The following ZNF622 variants were observed in gnomAD, a reference collection of about 807,000 sequenced individuals.
ZNF622 encodes zinc finger protein 622, also known as cytoplasmic 60S subunit biogenesis factor ZNF622.
ZNF622 carries 34 observed loss-of-function variants against 49.7 expected under a neutral mutation model. The ratio of observed to expected loss-of-function variants is 0.68; its 90% CI spans 0.52 to 0.91. ZNF622 has a LOEUF of 0.91. Among genes scored for constraint, ZNF622 ranks in the 40% least tolerant of loss-of-function variants. The pLI is 0.00. For missense variants in ZNF622, 569 were observed against 616.4 expected, an observed-to-expected ratio of 0.92 and a Z score of 0.81; for synonymous variants, 209 against 228.7, an observed-to-expected ratio of 0.91 and a Z score of 0.78.
At chr5:16,462,313 AGTTGTTC>A (rs1738131974) in intron 3 of ZNF622, among the ~76,000 whole-genome samples, 1 of 152,194 alleles carries the variant, frequency 6.6e-6, no homozygotes, top group Non-Finnish European at 1.5e-5. Context: ...TTTGACAACT[AGTTGTTC>A]ACAAGTACTT....
intron 4 of ZNF622, among the ~76,000 whole-genome samples, chr5:16,455,925 G>C (rs138289642): frequency 6.6e-6 from 1 of 152,210 alleles, no homozygotes; most frequent in African/African-American, 2.4e-5. Flanking sequence ...CGTATGATGG[G>C]CTAAGGACAG....
At chr5:16,453,562 TA>T (rs1737969876) in intron 4 of ZNF622, among the ~76,000 whole-genome samples, 18 of 104,044 alleles carry the variant, frequency 1.7e-4, no homozygotes, top group African/African-American at 8.5e-4. Flanking sequence ...ATAAAAATTA[TA>T]TATATATATA....
chr5:16,456,022 T>G (rs10520840), intron 4 of ZNF622, among the ~76,000 whole-genome samples: 2 of 152,170 alleles, frequency 1.3e-5, no homozygotes, highest in African/African-American at 4.8e-5. Context: ...TATGTCTAAG[T>G]CATGGTGAAG....
intron 1 of ZNF622, among the ~76,000 whole-genome samples, chr5:16,464,116 T>A (rs1176042012): frequency 6.6e-6 from 1 of 152,202 alleles, no homozygotes; most frequent in Non-Finnish European, 1.5e-5. Context: ...GGGGTGTGTG[T>A]ATGTGCTGGT....
chr5:16,459,676 T>C (rs1465398213), intron 3 of ZNF622, among the ~76,000 whole-genome samples: 1 of 152,152 alleles, frequency 6.6e-6, no homozygotes, highest in African/African-American at 2.4e-5. Flanking sequence ...TGTGGAGCAC[T>C]GAACAGAACA....
At position 16,463,480 on chromosome 5, in the gene ZNF622, A is replaced by C; in HGVS notation, c.886+2T>G. ...CATTAAAAGGAAAACTATTGTACTT[A>C]CCCAAGTATTTAATCAGTCCCTTAA... is the stretch of plus-strand genomic sequence containing the variant. On this transcript the variant is annotated splice_donor_variant, in intron 2 of 5. Coordinates refer to ENST00000308683, the MANE Select transcript of ZNF622 (RefSeq NM_033414.3). LOFTEE classifies it high-confidence loss of function. This position sits in a 1 kb window ranked among gnomAD's most constrained non-coding sequence, Gnocchi z 4.2. 1 of 1,609,964 alleles carries C rather than the reference A, an allele frequency of 6.2e-7. No homozygotes were observed.
At chr5:16,458,731 A>C in intron 3 of ZNF622, 102 bp from the exon 4 acceptor site, 3 of 753,524 alleles carry the variant, frequency 4.0e-6, no homozygotes, top group Non-Finnish European at 6.3e-6. Context: ...AGCTACCTAA[A>C]AGGGAGAGGG....
chr5:16,459,528 G>A (rs1422092355), intron 3 of ZNF622, among the ~76,000 whole-genome samples: 1 of 152,138 alleles, frequency 6.6e-6, no homozygotes, highest in Non-Finnish European at 1.5e-5. Flanking sequence ...TATATCCTCT[G>A]GCCCAACTCC....
chr5:16,452,888 G>T (rs1322225002), intron 5 of ZNF622, 125 bp downstream of exon 5: 10 of 1,055,188 alleles, frequency 9.5e-6, no homozygotes, highest in Non-Finnish European at 1.1e-5. Flanking sequence ...AGTCCCTGGA[G>T]CCAAGACGTT....
chr5:16,453,183 A>C, intron 4 of ZNF622, 27 bp from the exon 5 acceptor site: 1 of 1,446,782 alleles, frequency 6.9e-7, no homozygotes, highest in Non-Finnish European at 9.2e-7. Context: ...CAATACTGAA[A>C]CACTGAGTTG....
At chr5:16,454,297 C>G (rs1475613867) in intron 4 of ZNF622, among the ~76,000 whole-genome samples, 1 of 151,950 alleles carries the variant, frequency 6.6e-6, no homozygotes, top group Non-Finnish European at 1.5e-5. Flanking sequence ...ACCATCCTGG[C>G]TAACACGGTG....
chr5:16,464,910 A>C, intron 1 of ZNF622, 131 bp downstream of exon 1: 1 of 1,346,776 alleles, frequency 7.4e-7, no homozygotes, highest in Non-Finnish European at 1.0e-6. Flanking sequence ...AAAGCGTCTA[A>C]ACCACCTTCC....
intron 1 of ZNF622, among the ~76,000 whole-genome samples, chr5:16,464,234 G>A (rs1738172644): frequency 6.6e-6 from 1 of 152,114 alleles, no homozygotes; most frequent in South Asian, 2.1e-4. Context: ...GGCCTTTAGT[G>A]GGTGATTAGG....
intron 5 of ZNF622, among the ~76,000 whole-genome samples, chr5:16,452,694 T>C (rs1737953822): frequency 6.6e-6 from 1 of 152,232 alleles, no homozygotes; most frequent in African/African-American, 2.4e-5. Context: ...ACTAGGATAC[T>C]ATCTAATTCC....
chr5:16,457,031 C>T (rs1485692405), intron 4 of ZNF622, among the ~76,000 whole-genome samples: 3 of 151,966 alleles, frequency 2.0e-5, no homozygotes, highest in African/African-American at 7.3e-5. Context: ...TTTTTAGATA[C>T]CTTAAAAAAC....
chr5:16,465,708 G>A lies in ZNF622; in HGVS notation c.-43C>T. 6.6e-7 allele frequency: 1 copy of A among 1,525,880 alleles called. No individual in the cohort carries two copies. Among genetic ancestry groups the A allele is most frequent in the Non-Finnish European group, 8.8e-7 (1 of 1,139,198 alleles). 94.5% of individuals were successfully genotyped at this position (1,525,880 alleles called of 1,614,324 possible). A position where few individuals can be genotyped will look rare whatever the true frequency, so the allele number is the denominator to read the frequency against. ...GAACCGACCAAGCCAAACACCTGGT[G>A]ATCAGCGCCGTGGCCCCACAAGACC... is the stretch of plus-strand genomic sequence containing the variant. On this transcript the variant is annotated 5_prime_UTR_variant, in exon 1 of 6. Coordinates refer to ENST00000308683, the MANE Select transcript of ZNF622 (RefSeq NM_033414.3). The surrounding 1 kb of genome is among the most constrained non-coding windows in gnomAD (Gnocchi z 6.2).
chr5:16,456,121 A>C (rs1024381883), intron 4 of ZNF622, among the ~76,000 whole-genome samples: 4 of 152,092 alleles, frequency 2.6e-5, no homozygotes, highest in African/African-American at 9.7e-5. Flanking sequence ...TTTAGGAGAC[A>C]GCATATTGTT....
intron 4 of ZNF622, among the ~76,000 whole-genome samples, chr5:16,456,657 T>C (rs911910073): frequency 6.6e-6 from 1 of 152,016 alleles, no homozygotes; most frequent in Non-Finnish European, 1.5e-5. Flanking sequence ...GGAAGAGAAC[T>C]GTATGTGGGT....
chr5:16,453,085 C>G lies in ZNF622; in HGVS notation c.1234G>C (p.Val412Leu). 2 of 1,589,762 alleles carry G rather than the reference C, an allele frequency of 1.3e-6. No individual in the cohort carries two copies. The highest frequency in any genetic ancestry group is 1.7e-6 in the Non-Finnish European group (2 of 1,165,326). The change falls in exon 5 of 6, where the codon GTT becomes CTT. Residue 412 changes from valine to leucine, a missense_variant. Val to Leu is a conservative substitution (Grantham distance 32). Coordinates refer to ENST00000308683, the MANE Select transcript of ZNF622 (RefSeq NM_033414.3). ...QRFGLSRAVA[V>L]AKNRKAVGRV... is the part of the protein sequence containing the mutation. Reference sequence around the variant, plus strand: ...CCCACGGCCTTCCGATTTTTGGCAACTGCCACAGCTCTTGACAAGCCAAAT... The same window carrying G: ...CCCACGGCCTTCCGATTTTTGGCAAGTGCCACAGCTCTTGACAAGCCAAAT...
Sources: allele counts gnomAD v4.1 joint callset (sites outside exome capture counted in the v4.1 genomes callset), GRCh38; gene constraint gnomAD v4.1.1; non-coding constraint Gnocchi (gnomAD v3.1); transcripts MANE v1.5; gene names NCBI Gene and HGNC (gene_info 2026-07-23, HGNC 2026-07-21).